Variants in RNGTT observed in about 807,000 individuals in gnomAD.
RNGTT encodes mRNA-capping enzyme.
RNGTT carries 33 observed loss-of-function variants against 79.3 expected under a neutral mutation model. That is an observed-to-expected ratio of 0.42 (90% CI 0.32 to 0.56). RNGTT has a LOEUF of 0.56. Ranked by LOEUF, RNGTT falls within the 20% of genes least tolerant of loss-of-function variation. The pLI is 0.17. For missense variants in RNGTT, 497 were observed against 739.1 expected, an observed-to-expected ratio of 0.67 and a Z score of 3.80; for synonymous variants, 222 against 235.9, an observed-to-expected ratio of 0.94 and a Z score of 0.54.
At chr6:88,923,804 C>A (rs1252211629) in intron 4 of RNGTT, among the ~76,000 whole-genome samples, 3 of 151,990 alleles carry the variant, frequency 2.0e-5, no homozygotes, top group Non-Finnish European at 4.4e-5. Flanking sequence ...AGTGCTCCAA[C>A]TTAATAAGTT....
intron 6 of RNGTT, among the ~76,000 whole-genome samples, chr6:88,899,719 A>G (rs1163817111): frequency 6.6e-6 from 1 of 152,176 alleles, no homozygotes; most frequent in African/African-American, 2.4e-5. Context: ...GAGGTGAGCT[A>G]GACATCTTCT....
intron 14 of RNGTT, among the ~76,000 whole-genome samples, chr6:88,673,169 T>G (rs1200902633): frequency 6.6e-6 from 1 of 152,204 alleles, no homozygotes; most frequent in Non-Finnish European, 1.5e-5. Context: ...TGTTAATGAA[T>G]GAGAATGTCT....
chr6:88,617,491 C>T (rs1772276339), intron 14 of RNGTT, among the ~76,000 whole-genome samples: 1 of 152,116 alleles, frequency 6.6e-6, no homozygotes, highest in African/African-American at 2.4e-5. Flanking sequence ...ATCATTTGGC[C>T]ATATATGCAA....
intron 1 of RNGTT, 148 bp downstream of exon 1, chr6:88,963,198 T>A: frequency 1.4e-6 from 1 of 704,762 alleles, no homozygotes; most frequent in Non-Finnish European, 2.3e-6. Flanking sequence ...ATGTTCCCAT[T>A]CATCCACGAA....
intron 14 of RNGTT, among the ~76,000 whole-genome samples, chr6:88,649,707 A>G (rs1167248467): frequency 6.6e-6 from 1 of 152,024 alleles, no homozygotes; most frequent in Non-Finnish European, 1.5e-5. Context: ...AAAAAAAAAA[A>G]GGTTCTAAAA....
intron 14 of RNGTT, among the ~76,000 whole-genome samples, chr6:88,634,559 G>A (rs1773023878): frequency 6.6e-6 from 1 of 152,110 alleles, no homozygotes; most frequent in Non-Finnish European, 1.5e-5. Context: ...ACCTCTGTGA[G>A]TCTGCCCTGA....
intron 14 of RNGTT, among the ~76,000 whole-genome samples, chr6:88,648,225 C>A (rs1181968049): frequency 6.6e-6 from 1 of 152,124 alleles, no homozygotes; most frequent in African/African-American, 2.4e-5. Flanking sequence ...CTGTTATCAT[C>A]CATGGCAATG....
intron 12 of RNGTT, among the ~76,000 whole-genome samples, chr6:88,770,767 C>T (rs1311875914): frequency 6.6e-6 from 1 of 152,180 alleles, no homozygotes; most frequent in Non-Finnish European, 1.5e-5. Flanking sequence ...GCTCCATATC[C>T]GCCTTGGACT....
intron 13 of RNGTT, among the ~76,000 whole-genome samples, chr6:88,706,361 T>C (rs908884468): frequency 6.6e-6 from 1 of 152,006 alleles, no homozygotes; most frequent in African/African-American, 2.4e-5. Flanking sequence ...TTTCAAGGTA[T>C]AATCTTTACT....
In RNGTT at chr6:88,844,346, T is replaced by A. The variant is rs371586584; in HGVS notation, c.1269+11A>T. ...TTATTAGCACTAATTTAAAAAAAAA[T>A]TAAACTTTACCTTTCTTGAAGTACA... On this transcript the variant is annotated intron_variant, in intron 11 of 15. Coordinates refer to ENST00000369485, the MANE Select transcript of RNGTT (RefSeq NM_003800.5). 6.2e-7 allele frequency: 1 copy of A among 1,604,162 alleles called. No homozygotes were observed.
intron 13 of RNGTT, among the ~76,000 whole-genome samples, chr6:88,679,318 C>T (rs1775000281): frequency 6.6e-6 from 1 of 152,174 alleles, no homozygotes; most frequent in African/African-American, 2.4e-5. Flanking sequence ...GGATTAGCCT[C>T]ACTCAAAGAG....
chr6:88,706,030 A>G (rs977585737), intron 13 of RNGTT, among the ~76,000 whole-genome samples: 3 of 152,086 alleles, frequency 2.0e-5, no homozygotes, highest in African/African-American at 7.2e-5. Context: ...AGAGATCCCA[A>G]CAATAAAGAG....
At chr6:88,701,288 A>G (rs533837353) in intron 13 of RNGTT, among the ~76,000 whole-genome samples, 2 of 152,064 alleles carry the variant, frequency 1.3e-5, no homozygotes, top group Non-Finnish European at 2.9e-5. Flanking sequence ...TGGATGAACT[A>G]TCCTCCAGGA....
chr6:88,952,703 CAG>C (rs1012999204), intron 1 of RNGTT, among the ~76,000 whole-genome samples: 1 of 152,222 alleles, frequency 6.6e-6, no homozygotes, highest in Non-Finnish European at 1.5e-5. Flanking sequence ...AGGACTCTCA[CAG>C]AGTCTACTTA....
At chr6:88,615,616 T>C (rs974455002) in intron 14 of RNGTT, among the ~76,000 whole-genome samples, 1 of 152,202 alleles carries the variant, frequency 6.6e-6, no homozygotes, top group Admixed American at 6.5e-5. Flanking sequence ...TTGGAAACAC[T>C]GTGTATATGC....
intron 13 of RNGTT, among the ~76,000 whole-genome samples, chr6:88,693,019 C>T (rs1355433420): frequency 6.6e-6 from 1 of 151,846 alleles, no homozygotes; most frequent in Admixed American, 6.6e-5. Context: ...TACAAATAAA[C>T]ACAATAAACA....
intron 8 of RNGTT, among the ~76,000 whole-genome samples, chr6:88,868,237 A>G (rs1782238346): frequency 6.6e-6 from 1 of 152,200 alleles, no homozygotes; most frequent in Non-Finnish European, 1.5e-5. Context: ...AACTTCAAGA[A>G]GATTGAGATA....
At chr6:88,733,144 T>C (rs899183822) in intron 13 of RNGTT, among the ~76,000 whole-genome samples, 1 of 152,096 alleles carries the variant, frequency 6.6e-6, no homozygotes, top group Non-Finnish European at 1.5e-5. Flanking sequence ...GGGGATGGCT[T>C]GACCTCAGGA....
intron 4 of RNGTT, among the ~76,000 whole-genome samples, chr6:88,922,905 A>G (rs1784208489): frequency 6.6e-6 from 1 of 152,290 alleles, no homozygotes; most frequent in South Asian, 2.1e-4. Context: ...AATCAATATG[A>G]TGGAAAAGCC....
Sources: gnomAD v4.1 joint callset for allele counts (sites outside exome capture counted in the v4.1 genomes callset) on GRCh38, gnomAD v4.1.1 for gene constraint, MANE v1.5 for transcripts, NCBI Gene and HGNC (gene_info 2026-07-23, HGNC 2026-07-21) for gene names.